The following FAAH2 variants were observed in gnomAD, a reference collection of about 807,000 sequenced individuals.
FAAH2 encodes the protein fatty acid amide hydrolase 2.
In FAAH2, 60 loss-of-function variants were observed where a neutral mutation model predicts 36.9. The ratio of observed to expected loss-of-function variants is 1.63; its 90% CI spans 1.32 to 2.02. The LOEUF (loss-of-function observed/expected upper bound fraction) is 2.02. Among genes scored for constraint, FAAH2 ranks in the 30% most tolerant of loss-of-function variants. The pLI, the probability that FAAH2 is intolerant of heterozygous loss-of-function variation, is 0.00. For synonymous variants in FAAH2, 214 were observed against 143.8 expected (o/e 1.49, Z -3.49); for missense variants, 689 against 397.5 (o/e 1.73, Z -6.23).
the FAAH2 span, among the ~76,000 whole-genome samples, chrX:57,275,568 A>G: frequency 4.4e-5 from 5 of 112,591 alleles, no homozygotes; most frequent in African/African-American, 1.6e-4. Flanking sequence ...AAATTCACAC[A>G]TAACAATATT....
At chrX:57,219,863 C>CTTTTTTTTTT in the FAAH2 span, among the ~76,000 whole-genome samples, 68 of 35,637 alleles carry the variant, frequency 1.9e-3, 8 homozygotes, top group African/African-American at 7.6e-3. Context: ...AGCGCCTTGT[C>CTTTTTTTTTT]TTTTTTTTTT....
chrX:57,486,743 A>T (rs958166371), intron 10 of FAAH2, among the ~76,000 whole-genome samples: 2 of 111,571 alleles, frequency 1.8e-5, no homozygotes, highest in Admixed American at 1.9e-4. Flanking sequence ...AGCCCAGGGG[A>T]ATCTTCTTTG....
At chrX:57,262,244 C>T in the FAAH2 span, among the ~76,000 whole-genome samples, 1 of 110,954 alleles carries the variant, frequency 9.0e-6, no homozygotes, top group Admixed American at 9.7e-5. Context: ...TGTTGTTTTG[C>T]CTCATATATT....
chrX:57,447,231 C>T (rs955016102), intron 9 of FAAH2, among the ~76,000 whole-genome samples, 192 bp downstream of exon 9: 12 of 111,892 alleles, frequency 1.1e-4, no homozygotes, highest in African/African-American at 3.9e-4. Flanking sequence ...GAGGTGGGTT[C>T]TCATGGTCTT....
intron 5 of FAAH2, among the ~76,000 whole-genome samples, chrX:57,352,415 G>A (rs961916599): frequency 2.1e-4 from 23 of 108,290 alleles, no homozygotes; most frequent in African/African-American, 7.3e-4. Flanking sequence ...AACTTATCAT[G>A]CCTTCATGGT....
At chrX:57,472,864 G>A (rs929481619) in intron 10 of FAAH2, among the ~76,000 whole-genome samples, 1 of 111,188 alleles carries the variant, frequency 9.0e-6, no homozygotes, top group Admixed American at 9.6e-5. Flanking sequence ...GGCATAAGTT[G>A]TAATATCACC....
chrX:57,153,322 C>T, the FAAH2 span, among the ~76,000 whole-genome samples: 1 of 111,941 alleles, frequency 8.9e-6, no homozygotes. Context: ...ATTCATTCTG[C>T]AATTCTGTAT....
chrX:57,422,697 G>A (rs1178576693), intron 7 of FAAH2, among the ~76,000 whole-genome samples: 1 of 111,421 alleles, frequency 9.0e-6, no homozygotes, highest in Non-Finnish European at 1.9e-5. Context: ...CTATGCCATT[G>A]CCTCTGTCCC....
chrX:57,330,679 A>C (rs1189324203), intron 3 of FAAH2, among the ~76,000 whole-genome samples: 1 of 111,633 alleles, frequency 9.0e-6, no homozygotes, highest in Non-Finnish European at 1.9e-5. Flanking sequence ...ACCTACCGAC[A>C]TGTGATGTCT....
At chrX:57,196,498 C>T in the FAAH2 span, among the ~76,000 whole-genome samples, 1 of 111,198 alleles carries the variant, frequency 9.0e-6, no homozygotes. Flanking sequence ...ACAATCATAT[C>T]GTTGGTGAAC....
chrX:57,241,445 A>C, the FAAH2 span, among the ~76,000 whole-genome samples: 1 of 74,017 alleles, frequency 1.4e-5, no homozygotes, highest in African/African-American at 1.7e-4. Flanking sequence ...ACAAAACTAC[A>C]AGAAAAAAAA....
chrX:57,379,711 T>G (rs1181237584), intron 6 of FAAH2, among the ~76,000 whole-genome samples: 1 of 110,854 alleles, frequency 9.0e-6, no homozygotes, highest in Non-Finnish European at 1.9e-5. Context: ...TTGTGTGAAT[T>G]ATTTATACTC....
chrX:57,228,380 G>T, the FAAH2 span, among the ~76,000 whole-genome samples: 1 of 111,163 alleles, frequency 9.0e-6, no homozygotes, highest in Admixed American at 9.6e-5. Context: ...TCGGCTCCAG[G>T]TAAAGTTGGG....
chrX:57,244,393 G>T, the FAAH2 span, among the ~76,000 whole-genome samples: 1 of 110,620 alleles, frequency 9.0e-6, no homozygotes, highest in Non-Finnish European at 1.9e-5. Flanking sequence ...GAAATGCAGA[G>T]AACACCACAA....
the FAAH2 span, among the ~76,000 whole-genome samples, chrX:57,278,747 C>G: frequency 1.8e-5 from 2 of 111,044 alleles, no homozygotes; most frequent in Admixed American, 9.5e-5. Context: ...AGAAGTTAAA[C>G]AAATTTACAA....
chrX:57,448,159 T>C (rs909247864), intron 9 of FAAH2, among the ~76,000 whole-genome samples: 4 of 111,318 alleles, frequency 3.6e-5, no homozygotes, highest in Admixed American at 1.9e-4. Flanking sequence ...GGCTAAGAGA[T>C]GGAGTTTCAT....
chrX:57,323,256 C>T (rs972098836), intron 3 of FAAH2, among the ~76,000 whole-genome samples: 1 of 111,386 alleles, frequency 9.0e-6, no homozygotes, highest in Admixed American at 9.6e-5. Context: ...GGGTTGGTTC[C>T]AAGTCTTTGC....
At chrX:57,479,510 G>T (rs2057337995) in intron 10 of FAAH2, among the ~76,000 whole-genome samples, 1 of 111,151 alleles carries the variant, frequency 9.0e-6, no homozygotes, top group Admixed American at 9.6e-5. Context: ...TCCCTGGCCA[G>T]AACTTCCAAC....
At chrX:57,331,552 T>G in intron 3 of FAAH2, 46 bp from the exon 4 acceptor site, 1 of 1,122,982 alleles carries the variant, frequency 8.9e-7, no homozygotes, top group Non-Finnish European at 1.2e-6. Context: ...AAAACAACTA[T>G]TTTTATTTAA....
Sources: allele counts gnomAD v4.1 joint callset (sites outside exome capture counted in the v4.1 genomes callset), GRCh38; gene constraint gnomAD v4.1.1; transcripts MANE v1.5; gene names NCBI Gene and HGNC (gene_info 2026-07-23, HGNC 2026-07-21).